Variants in NSD1 observed in about 807,000 individuals in gnomAD.
The protein encoded by NSD1 is histone-lysine N-methyltransferase, H3 lysine-36 specific.
Under a neutral mutation model 242.7 loss-of-function variants are expected in NSD1, and 26 were observed. That is an observed-to-expected ratio of 0.11 (90% CI 0.08 to 0.15). NSD1 has a LOEUF of 0.15. NSD1 is among the 10% of genes least tolerant of loss of function. NSD1 has a pLI of 1.00. For synonymous variants in NSD1, 1,106 were observed against 1,178.1 expected, an observed-to-expected ratio of 0.94 and a Z score of 1.25; for missense variants, 2,495 against 3,272.8, an observed-to-expected ratio of 0.76 and a Z score of 5.80.
chr5:177,207,593 A>ATTTTTTTTTTT lies in NSD1; in HGVS notation c.1237-2024_1237-2014dup, dbSNP rs150492535. Among the ~76,000 whole-genome samples the ATTTTTTTTTTT allele has an allele frequency of 4.1e-4, 32 of 78,220 alleles. 5 individuals carry two copies. The highest frequency in any genetic ancestry group is 2.2e-3 in the African/African-American group (31 of 14,182). 51.3% of individuals were successfully genotyped at this position (78,220 alleles called of 152,430 possible). A position where few individuals can be genotyped will look rare whatever the true frequency, so the allele number is the denominator to read the frequency against. On this transcript the variant is annotated intron_variant, in intron 4 of 22. Coordinates refer to ENST00000439151, the MANE Select transcript of NSD1 (RefSeq NM_022455.5). ...CACCGTGCCTGGCCTATTTATTTAAATTTTTTTTTTTTTTTTTTTTTTTTT... is the reference window on the plus strand; with the variant it reads ...CACCGTGCCTGGCCTATTTATTTAAATTTTTTTTTTTTTTTTTTTTTTTTTTTTTTTTTTTT...
chr5:177,300,068 C>CG lies in NSD1; in HGVS notation c.*4609_*4610insG. On this transcript the variant is annotated 3_prime_UTR_variant, in exon 23 of 23. Transcript: ENST00000439151. ...TGCTTTTTTGCCGCGCCCCCCCCCC[C>CG]CCGCCCCCATAGATTGTCAGCTGTA... 5.0e-6 allele frequency: 1 copy of CG among 198,592 alleles called. No homozygotes were observed. Among genetic ancestry groups the CG allele is most frequent in the Non-Finnish European group, 1.0e-5 (1 of 100,314 alleles). 12.3% of individuals were successfully genotyped at this position (198,592 alleles called of 1,614,324 possible). A position where few individuals can be genotyped will look rare whatever the true frequency, so the allele number is the denominator to read the frequency against.
chr5:177,222,280 C>G (rs1240432190), intron 5 of NSD1, among the ~76,000 whole-genome samples: 1 of 152,176 alleles, frequency 6.6e-6, no homozygotes, highest in African/African-American at 2.4e-5. Flanking sequence ...AGGCGCGCAC[C>G]ACCACGCCCA....
At position 177,186,490 on chromosome 5, in the gene NSD1, G is replaced by A. The variant is rs576802718; in HGVS notation, c.928-5394G>A. 2.0e-5 allele frequency among the ~76,000 whole-genome samples: 3 copies of A among 152,066 alleles called. 1 individual carries two copies. In the South Asian group the frequency reaches 6.2e-4, roughly 32 times the overall value. On this transcript the variant is annotated intron_variant, in intron 2 of 22. Coordinates refer to ENST00000439151, the MANE Select transcript of NSD1 (RefSeq NM_022455.5). ...AAAAATCCTCAGAAGTGCAACATAG[G>A]TTTGATTTTTAACTGTTGCTAGAAA...
intron 2 of NSD1, among the ~76,000 whole-genome samples, chr5:177,182,908 C>A (rs1215301901): frequency 1.3e-5 from 2 of 152,050 alleles, no homozygotes; most frequent in Non-Finnish European, 2.9e-5. Context: ...AAAGTGCTGG[C>A]ATTACAGGCG....
chr5:177,257,157 G>A lies in NSD1; in HGVS notation c.4966+6G>A, dbSNP rs373129093. 94 of 1,610,368 alleles carry A rather than the reference G, an allele frequency of 5.8e-5. No individual in the cohort carries two copies. The highest frequency in any genetic ancestry group is 7.6e-5 in the Non-Finnish European group (90 of 1,177,170). ...CAATGTTTCTGCATCTAAAGGTATG[G>A]ATTTCTTATGTGGACCAGTCTAATT... On this transcript the variant is annotated splice_donor_region_variant and intron_variant, in intron 13 of 22. Transcript: ENST00000439151.
At chr5:177,285,400 G>GA (rs1759228725) in intron 20 of NSD1, among the ~76,000 whole-genome samples, 1 of 151,196 alleles carries the variant, frequency 6.6e-6, no homozygotes, top group South Asian at 2.1e-4. Context: ...CATCTCTACT[G>GA]AAAATACAAA....
At chr5:177,169,396 T>C (rs1759504027) in intron 2 of NSD1, 2 of 155,792 alleles carry the variant, frequency 1.3e-5, no homozygotes, top group African/African-American at 4.8e-5. Context: ...GACCGTAGAA[T>C]GGTCGACGTT....
chr5:177,193,765 TTTGTTG>T (rs757472609), intron 3 of NSD1, among the ~76,000 whole-genome samples: 2 of 152,058 alleles, frequency 1.3e-5, no homozygotes, highest in South Asian at 2.1e-4. Context: ...GATATTAATT[TTTGTTG>T]TTGTTGTTGT....
intron 5 of NSD1, among the ~76,000 whole-genome samples, chr5:177,215,391 G>A (rs1763693923): frequency 6.6e-6 from 1 of 151,856 alleles, no homozygotes; most frequent in African/African-American, 2.4e-5. Flanking sequence ...GGCCAGGCTG[G>A]TGTCGAACTC....
chr5:177,201,425 G>T (rs1434864107), intron 3 of NSD1, among the ~76,000 whole-genome samples: 1 of 152,084 alleles, frequency 6.6e-6, no homozygotes, highest in Non-Finnish European at 1.5e-5. Context: ...TCTGGTTGCT[G>T]CCCAACCTTT....
At chr5:177,225,488 G>A (rs1286984506) in intron 5 of NSD1, among the ~76,000 whole-genome samples, 1 of 152,042 alleles carries the variant, frequency 6.6e-6, no homozygotes, top group African/African-American at 2.4e-5. Context: ...CTCATAGAAT[G>A]AACGTGACAG....
At chr5:177,239,294 C>A (rs981721542) in intron 7 of NSD1, among the ~76,000 whole-genome samples, 4 of 152,204 alleles carry the variant, frequency 2.6e-5, no homozygotes, top group African/African-American at 9.6e-5. Flanking sequence ...TGCCAAAACT[C>A]TATTAAGTCA....
intron 2 of NSD1, among the ~76,000 whole-genome samples, chr5:177,152,646 G>C (rs1339641523): frequency 6.6e-6 from 1 of 151,038 alleles, no homozygotes; most frequent in Non-Finnish European, 1.5e-5. Context: ...GTAGAGATGG[G>C]GTTTCACTGG....
Position 177,296,679 on chromosome 5 carries a change from T to C in NSD1, c.*1220T>C, listed in dbSNP as rs11956153. ...CTGAAGACTGGCAAGAGGTGGTGTTTAGAGCAACGTCCAGGCTAAGAGATG... is the reference window on the plus strand; with the variant it reads ...CTGAAGACTGGCAAGAGGTGGTGTTCAGAGCAACGTCCAGGCTAAGAGATG... On this transcript the variant is annotated 3_prime_UTR_variant, in exon 23 of 23. Transcript: ENST00000439151. The C allele has an allele frequency of 0.021, 5,013 of 233,354 alleles. 256 individuals are homozygous for C. Among genetic ancestry groups the C allele is most frequent in the African/African-American group, 0.1 (4,696 of 45,446 alleles). 14.5% of individuals were successfully genotyped at this position (233,354 alleles called of 1,614,324 possible).
chr5:177,252,809 T>C (rs1756110556), intron 12 of NSD1, among the ~76,000 whole-genome samples: 1 of 150,812 alleles, frequency 6.6e-6, no homozygotes, highest in Non-Finnish European at 1.5e-5. Flanking sequence ...TTTTTTTTTT[T>C]TTTTCTTAGC....
intron 5 of NSD1, among the ~76,000 whole-genome samples, chr5:177,213,793 T>G (rs1763551317): frequency 6.6e-6 from 1 of 152,188 alleles, no homozygotes; most frequent in African/African-American, 2.4e-5. Context: ...TTTACCAATC[T>G]GTAGATTTGT....
intron 2 of NSD1, among the ~76,000 whole-genome samples, chr5:177,175,141 G>A (rs998939359): frequency 6.6e-6 from 1 of 152,262 alleles, no homozygotes; most frequent in South Asian, 2.1e-4. Flanking sequence ...AAAGTGCTGG[G>A]ATTATAGGCG....
intron 2 of NSD1, among the ~76,000 whole-genome samples, chr5:177,138,545 C>A (rs141303063): frequency 6.6e-6 from 1 of 151,352 alleles, no homozygotes; most frequent in Non-Finnish European, 1.5e-5. Context: ...CGTGAGCCAC[C>A]GTACCCATCC....
At chr5:177,208,348 A>T (rs554978972) in intron 4 of NSD1, among the ~76,000 whole-genome samples, 1 of 152,298 alleles carries the variant, frequency 6.6e-6, no homozygotes, top group Non-Finnish European at 1.5e-5. Flanking sequence ...TATATTTAAC[A>T]TTTATAGTCG....
Sources: gnomAD v4.1 joint callset for allele counts (sites outside exome capture counted in the v4.1 genomes callset) on GRCh38, gnomAD v4.1.1 for gene constraint, MANE v1.5 for transcripts, NCBI Gene and HGNC (gene_info 2026-07-23, HGNC 2026-07-21) for gene names.